Variants in PKIG observed in about 807,000 individuals in gnomAD.
PKIG encodes the protein protein kinase (cAMP-dependent, catalytic) inhibitor gamma.
In PKIG, 1 loss-of-function variant was observed where a neutral mutation model predicts 6.8. The observed-to-expected ratio is 0.15, with a 90% CI of 0.05 to 0.69. The LOEUF (loss-of-function observed/expected upper bound fraction) is 0.69. PKIG is among the 30% of genes least tolerant of loss of function. The pLI, the probability that PKIG is intolerant of heterozygous loss-of-function variation, is 0.82. For missense variants in PKIG, 77 were observed against 104.0 expected, an observed-to-expected ratio of 0.74 and a Z score of 1.13; for synonymous variants, 39 against 43.0, an observed-to-expected ratio of 0.91 and a Z score of 0.36.
intron 1 of PKIG, among the ~76,000 whole-genome samples, chr20:44,589,412 T>C (rs111800187): frequency 0.075 from 11,317 of 151,848 alleles, 565 homozygotes; most frequent in African/African-American, 0.14. Flanking sequence ...AATATGCTTT[T>C]TAACAATCAA....
upstream of PKIG, among the ~76,000 whole-genome samples, chr20:44,581,639 C>T (rs866321262): frequency 1.6e-4 from 24 of 152,198 alleles, no homozygotes; most frequent in Middle Eastern, 3.2e-3. Flanking sequence ...ACTTGTTTGT[C>T]TTATCTTGTA....
intron 2 of PKIG, among the ~76,000 whole-genome samples, chr20:44,602,840 CAAAAAAAAA>C: frequency 1.3e-5 from 1 of 76,928 alleles, no homozygotes; most frequent in Non-Finnish European, 2.7e-5. Flanking sequence ...GACTCCATCT[CAAAAAAAAA>C]AAAAAAAGAC....
chr20:44,569,559 A>G (rs913029932), intron 1 of PKIG, among the ~76,000 whole-genome samples: 5 of 152,182 alleles, frequency 3.3e-5, no homozygotes, highest in Admixed American at 6.5e-5. Context: ...TAAATAAAAT[A>G]TACATAAACA....
chr20:44,591,906 A>T (rs2065036864), intron 2 of PKIG, among the ~76,000 whole-genome samples: 1 of 152,088 alleles, frequency 6.6e-6, no homozygotes. Flanking sequence ...ATCGCCTGGG[A>T]TGAGAGCAGT....
intron 1 of PKIG, among the ~76,000 whole-genome samples, chr20:44,549,114 C>A (rs1226170858): frequency 1.3e-5 from 2 of 152,132 alleles, no homozygotes; most frequent in Non-Finnish European, 2.9e-5. Context: ...TACCACTTGC[C>A]TTTTGGATTT....
chr20:44,569,580 A>AT (rs1015976099), intron 1 of PKIG, among the ~76,000 whole-genome samples: 40 of 151,660 alleles, frequency 2.6e-4, no homozygotes, highest in Admixed American at 2.3e-3. Flanking sequence ...TGTAATTTTT[A>AT]TTTTTTTTGT....
rs971943881 is a variant in PKIG at position 44,556,652 on chromosome 20, C to T, written c.-241+24674C>T. On this transcript the variant is annotated intron_variant, in intron 1 of 4. Transcript: ENST00000372887. ...TGCTGGGATTACAGGCATGAGCCAC[C>T]GCGCCTGGCCAATAGTAGTAAGTTA... Among the ~76,000 whole-genome samples the T allele has an allele frequency of 2.2e-4, 34 of 152,100 alleles. 1 individual carries two copies. The highest frequency in any genetic ancestry group is 8.8e-5 in the Non-Finnish European group (6 of 68,024).
intron 2 of PKIG, among the ~76,000 whole-genome samples, chr20:44,610,452 GTC>G (rs910220013): frequency 7.3e-6 from 1 of 136,234 alleles, no homozygotes; most frequent in Admixed American, 7.2e-5. Flanking sequence ...CCTCTTCTCT[GTC>G]TCTCTCTTTC....
intron 1 of PKIG, among the ~76,000 whole-genome samples, chr20:44,535,810 C>A (rs1022058903): frequency 3.3e-5 from 5 of 152,112 alleles, no homozygotes; most frequent in African/African-American, 4.8e-5. Context: ...AATGTTAAAT[C>A]TTTAATTGTG....
intron 1 of PKIG, among the ~76,000 whole-genome samples, chr20:44,584,115 G>A (rs751408592): frequency 2.0e-5 from 3 of 152,046 alleles, no homozygotes; most frequent in Non-Finnish European, 4.4e-5. Flanking sequence ...AGCACTAGAT[G>A]GTCAGTATTA....
At chr20:44,605,493 A>G (rs2065156624) in intron 2 of PKIG, among the ~76,000 whole-genome samples, 1 of 151,586 alleles carries the variant, frequency 6.6e-6, no homozygotes, top group Admixed American at 6.6e-5. Context: ...TACATCAATG[A>G]GGAAATGATG....
At chr20:44,611,771 G>A (rs2065221541) in intron 2 of PKIG, among the ~76,000 whole-genome samples, 3 of 151,992 alleles carry the variant, frequency 2.0e-5, no homozygotes, top group South Asian at 2.1e-4. Flanking sequence ...CACCCGCCTC[G>A]GCCTCCCAAA....
At chr20:44,553,909 A>G (rs943944232) in intron 1 of PKIG, among the ~76,000 whole-genome samples, 2 of 152,074 alleles carry the variant, frequency 1.3e-5, no homozygotes, top group Admixed American at 6.6e-5. Context: ...AGAGTATTAC[A>G]TGCTGAAATG....
chr20:44,544,925 C>CTTTTTTTTTTTTTTTTTTTTTTTTT (rs796482642), intron 1 of PKIG, among the ~76,000 whole-genome samples: 3 of 64,386 alleles, frequency 4.7e-5, no homozygotes, highest in African/African-American at 7.5e-5. Flanking sequence ...TTCCTTCTTT[C>CTTTTTTTTTTTTTTTTTTTTTTTTT]TTTTTTTTTT....
At chr20:44,550,829 CACTT>C (rs1473304874) in intron 1 of PKIG, among the ~76,000 whole-genome samples, 3 of 152,114 alleles carry the variant, frequency 2.0e-5, no homozygotes, top group African/African-American at 7.2e-5. Flanking sequence ...TATGACCTCT[CACTT>C]AATGAGGGCC....
chr20:44,617,971 C>T (rs1661850661), intron 3 of PKIG, among the ~76,000 whole-genome samples: 3 of 152,002 alleles, frequency 2.0e-5, no homozygotes, highest in Admixed American at 2.0e-4. Flanking sequence ...TAACATCTGG[C>T]CTCTCCCTCT....
chr20:44,598,990 T>C (rs1600888386), intron 2 of PKIG: 1 of 152,106 alleles, frequency 6.6e-6, no homozygotes, highest in South Asian at 2.1e-4. Flanking sequence ...ATCAAGAGAG[T>C]CAACCCAACA....
chr20:44,601,903 G>A (rs2065124211), intron 2 of PKIG, among the ~76,000 whole-genome samples: 1 of 152,266 alleles, frequency 6.6e-6, no homozygotes, highest in African/African-American at 2.4e-5. Context: ...GCTCTTGGCA[G>A]AGCCTGGGGC....
In PKIG at chr20:44,618,415, G is replaced by A; in HGVS notation, c.*51G>A. Reference sequence around the variant, plus strand: ...ACGAGAGACCTTCTGTCCCCTCCCAGAGGGGGAACCCTGGCACTGGCCCAG... The same window carrying A: ...ACGAGAGACCTTCTGTCCCCTCCCAAAGGGGGAACCCTGGCACTGGCCCAG... On this transcript the variant is annotated 3_prime_UTR_variant, in exon 4 of 4. Coordinates refer to ENST00000372886, the MANE Select transcript of PKIG (RefSeq NM_001281445.2). 1 of 1,265,292 alleles carries A rather than the reference G, an allele frequency of 7.9e-7. No individual in the cohort carries two copies. The highest frequency in any genetic ancestry group is 1.2e-6 in the Non-Finnish European group (1 of 861,968). 78.4% of individuals were successfully genotyped at this position (1,265,292 alleles called of 1,614,324 possible). A position where few individuals can be genotyped will look rare whatever the true frequency, so the allele number is the denominator to read the frequency against.
Sources: gnomAD v4.1 joint callset for allele counts (sites outside exome capture counted in the v4.1 genomes callset) on GRCh38, gnomAD v4.1.1 for gene constraint, MANE v1.5 for transcripts, NCBI Gene and HGNC (gene_info 2026-07-23, HGNC 2026-07-21) for gene names.